GRB2: variants seen among roughly 807,000 people sequenced by gnomAD.
The protein encoded by GRB2 is growth factor receptor-bound protein 2.
GRB2 carries 2 observed loss-of-function variants against 27.4 expected under a neutral mutation model. That is an observed-to-expected ratio of 0.07 (90% confidence interval 0.03 to 0.23). GRB2 has a LOEUF of 0.23. Ranked by LOEUF, GRB2 falls within the 10% of genes least tolerant of loss-of-function variation. GRB2 has a pLI of 1.00. For synonymous variants in GRB2, 94 were observed against 99.6 expected, an observed-to-expected ratio of 0.94 and a Z score of 0.33; for missense variants, 102 against 282.4, an observed-to-expected ratio of 0.36 and a Z score of 4.58.
At chr17:75,354,050 C>A (rs1444846034) in intron 2 of GRB2, among the ~76,000 whole-genome samples, 7 of 150,012 alleles carry the variant, frequency 4.7e-5, no homozygotes, top group East Asian at 2.0e-4. Context: ...AAAAAAAAAA[C>A]AAAAACGAAA....
intron 5 of GRB2, among the ~76,000 whole-genome samples, chr17:75,321,339 G>C (rs2078458270): frequency 6.6e-6 from 1 of 151,958 alleles, no homozygotes; most frequent in South Asian, 2.1e-4. Context: ...ACCACATCCA[G>C]CTAATTTTTG....
chr17:75,381,266 T>C (rs2078925826), intron 2 of GRB2, among the ~76,000 whole-genome samples: 1 of 152,118 alleles, frequency 6.6e-6, no homozygotes, highest in South Asian at 2.1e-4. Flanking sequence ...TTAAGAGAGA[T>C]CTGAAATAGT....
intron 2 of GRB2, among the ~76,000 whole-genome samples, chr17:75,369,519 G>C (rs1180927173): frequency 1.3e-5 from 2 of 152,012 alleles, no homozygotes; most frequent in Non-Finnish European, 2.9e-5. Flanking sequence ...GTGAGACTGA[G>C]ACAAGGACTC....
chr17:75,337,871 T>TTAC (rs1224394398), intron 2 of GRB2, among the ~76,000 whole-genome samples: 72 of 117,622 alleles, frequency 6.1e-4, no homozygotes, highest in African/African-American at 1.3e-3. Context: ...CGGCCTACTA[T>TTAC]TACTACTACT....
chr17:75,323,984 A>AT (rs2145819093), intron 4 of GRB2, among the ~76,000 whole-genome samples: 1 of 150,856 alleles, frequency 6.6e-6, no homozygotes, highest in African/African-American at 2.4e-5. Context: ...TAATTTTTGT[A>AT]TTTTTTTAGT....
intron 4 of GRB2, among the ~76,000 whole-genome samples, chr17:75,323,724 TCCC>T (rs2078476366): frequency 6.6e-6 from 1 of 152,104 alleles, no homozygotes; most frequent in Non-Finnish European, 1.5e-5. Context: ...TACTGCTTGT[TCCC>T]CTCATCTTAT....
intron 1 of GRB2, among the ~76,000 whole-genome samples, chr17:75,397,210 G>A (rs374247685): frequency 2.0e-5 from 3 of 152,038 alleles, no homozygotes; most frequent in East Asian, 1.9e-4. Context: ...GAGCATATTC[G>A]CTAAAGGAAT....
At chr17:75,384,048 C>T (rs1024705521) in intron 2 of GRB2, among the ~76,000 whole-genome samples, 1 of 152,132 alleles carries the variant, frequency 6.6e-6, no homozygotes, top group African/African-American at 2.4e-5. Flanking sequence ...AGGCAGGTCT[C>T]GCCTAGAGCC....
chr17:75,335,842 T>C (rs1364415707), intron 2 of GRB2, among the ~76,000 whole-genome samples: 2 of 152,222 alleles, frequency 1.3e-5, no homozygotes, highest in South Asian at 2.1e-4. Context: ...CATCAAAGAC[T>C]GGAATGAGAT....
chr17:75,327,449 C>T (rs113577483), intron 3 of GRB2, among the ~76,000 whole-genome samples: 14 of 151,442 alleles, frequency 9.2e-5, no homozygotes, highest in African/African-American at 2.9e-4. Context: ...CGGCTCACTG[C>T]AACCTTCGCC....
chr17:75,392,965 A>G (rs1164927020), intron 2 of GRB2, among the ~76,000 whole-genome samples: 1 of 152,220 alleles, frequency 6.6e-6, no homozygotes, highest in Non-Finnish European at 1.5e-5. Flanking sequence ...GAAAGTCGAA[A>G]TCTGACTTGT....
At chr17:75,321,229 T>C (rs1050188212) in intron 5 of GRB2, among the ~76,000 whole-genome samples, 1 of 140,162 alleles carries the variant, frequency 7.1e-6, no homozygotes, top group Non-Finnish European at 1.5e-5. Flanking sequence ...CAGGTTGGAG[T>C]GCAGTGGTGC....
At chr17:75,404,746 AGT>A (rs1007334091) in intron 1 of GRB2, 9 of 152,208 alleles carry the variant, frequency 5.9e-5, no homozygotes, top group African/African-American at 2.2e-4. Context: ...ACAGACCTCA[AGT>A]GCACTTCAGT....
chr17:75,358,700 T>TAAAAAAAAAA (rs71159497), intron 2 of GRB2, among the ~76,000 whole-genome samples: 1 of 66,284 alleles, frequency 1.5e-5, no homozygotes, highest in Non-Finnish European at 3.0e-5. Context: ...CCATCTCTAC[T>TAAAAAAAAAA]AAAAAAAAAA....
intron 2 of GRB2, chr17:75,372,700 T>G (rs1048015332): frequency 6.6e-6 from 1 of 152,256 alleles, no homozygotes; most frequent in Non-Finnish European, 1.5e-5. Context: ...GAAATATGGC[T>G]GCACTGGTGA....
At chr17:75,399,342 C>T (rs2079048618) in intron 1 of GRB2, among the ~76,000 whole-genome samples, 1 of 151,122 alleles carries the variant, frequency 6.6e-6, no homozygotes, top group Non-Finnish European at 1.5e-5. Flanking sequence ...GGGTGAGCCA[C>T]CACACCTGGC....
At chr17:75,380,511 G>C (rs980951766) in intron 2 of GRB2, among the ~76,000 whole-genome samples, 43 of 152,096 alleles carry the variant, frequency 2.8e-4, no homozygotes, top group African/African-American at 1.0e-3. Flanking sequence ...TACAATACTT[G>C]TTTCTCAAAA....
In GRB2 at chr17:75,402,988, T is replaced by C. The variant is rs962160919; in HGVS notation, c.-138+2501A>G. The stretch of plus-strand genomic sequence containing the variant: ...TACTAGCGAGGCTGAGGCAGAAGAA[T>C]TGCCCGAACCCAGGAGGTGGAAGTT... On this transcript the variant is annotated intron_variant, in intron 1 of 5. Transcript: ENST00000316804. 3.6e-5 allele frequency among the ~76,000 whole-genome samples: 5 copies of C among 139,722 alleles called. No individual in the cohort carries two copies. The Admixed American group carries it at 3.9e-4, about 11-fold the overall frequency. The allele number at this position is 139,722 out of a possible 152,430, so 91.7% of individuals were successfully genotyped here.
At chr17:75,368,738 G>A (rs1490810661) in intron 2 of GRB2, among the ~76,000 whole-genome samples, 6 of 151,580 alleles carry the variant, frequency 4.0e-5, no homozygotes, top group Non-Finnish European at 5.9e-5. Flanking sequence ...TTGTAGAAAC[G>A]GAGTCTCACT....
Sources: allele counts gnomAD v4.1 joint callset (sites outside exome capture counted in the v4.1 genomes callset), GRCh38; gene constraint gnomAD v4.1.1; transcripts MANE v1.5; gene names NCBI Gene and HGNC (gene_info 2026-07-23, HGNC 2026-07-21).